SPOCK3: variants seen among roughly 807,000 people sequenced by gnomAD.
SPOCK3 encodes the protein SPARC (osteonectin), cwcv and kazal like domains proteoglycan 3.
Under a neutral mutation model 56.6 loss-of-function variants are expected in SPOCK3, and 30 were observed. The observed-to-expected ratio is 0.53, with a 90% CI of 0.40 to 0.72. SPOCK3 has a LOEUF of 0.72. Among genes scored for constraint, SPOCK3 ranks in the 30% least tolerant of loss-of-function variants. SPOCK3 has a pLI of 0.00. For synonymous variants in SPOCK3, 196 were observed against 183.3 expected (o/e 1.07, Z -0.56); for missense variants, 527 against 530.0 (o/e 0.99, Z 0.06).
chr4:166,863,692 C>G (rs1242924607), intron 6 of SPOCK3, among the ~76,000 whole-genome samples: 4 of 150,780 alleles, frequency 2.7e-5, no homozygotes, highest in Non-Finnish European at 4.5e-5. Flanking sequence ...AAGACAAAGG[C>G]AGAACATAAT....
At chr4:167,153,899 TTTC>T (rs1764604761) in intron 2 of SPOCK3, among the ~76,000 whole-genome samples, 1 of 44,930 alleles carries the variant, frequency 2.2e-5, no homozygotes, top group South Asian at 1.3e-3. Flanking sequence ...CATAGGTAGA[TTTC>T]AGGGAAAAAC....
intron 2 of SPOCK3, among the ~76,000 whole-genome samples, chr4:167,148,953 A>C (rs1764192494): frequency 6.6e-6 from 1 of 152,114 alleles, no homozygotes; most frequent in Non-Finnish European, 1.5e-5. Flanking sequence ...TAATAGACTG[A>C]ATATTTTGTT....
chr4:166,769,993 C>T (rs955272634), intron 7 of SPOCK3, among the ~76,000 whole-genome samples: 5 of 152,096 alleles, frequency 3.3e-5, no homozygotes, highest in Admixed American at 6.5e-5. Flanking sequence ...GAGCCATGCA[C>T]GGGATATAAT....
intron 7 of SPOCK3, among the ~76,000 whole-genome samples, chr4:166,776,349 G>A (rs559387226): frequency 1.3e-5 from 2 of 152,246 alleles, no homozygotes; most frequent in Admixed American, 1.3e-4. Flanking sequence ...GGAAGTGGAT[G>A]TTGCAGTGAG....
At chr4:167,100,856 G>T (rs1759578944) in intron 2 of SPOCK3, among the ~76,000 whole-genome samples, 4 of 152,058 alleles carry the variant, frequency 2.6e-5, no homozygotes. Context: ...GTGAAATAGA[G>T]AGTGTTATAC....
At chr4:167,132,385 T>C (rs1762772859) in intron 2 of SPOCK3, among the ~76,000 whole-genome samples, 1 of 152,240 alleles carries the variant, frequency 6.6e-6, no homozygotes, top group South Asian at 2.1e-4. Context: ...TGACAAATCA[T>C]GTCTCTAGAG....
chr4:166,961,809 G>C (rs1038866329), intron 4 of SPOCK3, among the ~76,000 whole-genome samples: 2 of 152,094 alleles, frequency 1.3e-5, no homozygotes, highest in Non-Finnish European at 2.9e-5. Context: ...CCTGGAGGAA[G>C]ACCAGTTGTT....
At chr4:167,006,074 A>G (rs1749442151) in intron 3 of SPOCK3, among the ~76,000 whole-genome samples, 1 of 152,206 alleles carries the variant, frequency 6.6e-6, no homozygotes, top group Non-Finnish European at 1.5e-5. Flanking sequence ...AATTATTGCA[A>G]TTTATTCAGT....
chr4:167,215,482 T>C (rs1364142626), intron 2 of SPOCK3, among the ~76,000 whole-genome samples: 5 of 151,912 alleles, frequency 3.3e-5, no homozygotes, highest in Admixed American at 2.6e-4. Context: ...AAATAAGTCA[T>C]GAAAAATGAG....
intron 6 of SPOCK3, among the ~76,000 whole-genome samples, chr4:166,810,530 A>C (rs1202004748): frequency 1.3e-5 from 2 of 152,000 alleles, no homozygotes; most frequent in African/African-American, 4.8e-5. Context: ...TTTCATCATC[A>C]ATGGGTATTG....
At chr4:166,826,679 G>A (rs1365736843) in intron 6 of SPOCK3, among the ~76,000 whole-genome samples, 1 of 151,944 alleles carries the variant, frequency 6.6e-6, no homozygotes, top group Non-Finnish European at 1.5e-5. Flanking sequence ...TTCTAACCTT[G>A]GATTATGTGG....
chr4:167,206,894 G>A (rs1348330712), intron 2 of SPOCK3, among the ~76,000 whole-genome samples: 1 of 151,906 alleles, frequency 6.6e-6, no homozygotes, highest in African/African-American at 2.4e-5. Flanking sequence ...CAACTAGATA[G>A]GAGAATAGGT....
intron 3 of SPOCK3, among the ~76,000 whole-genome samples, chr4:167,002,896 A>G (rs963466536): frequency 6.6e-6 from 1 of 152,182 alleles, no homozygotes; most frequent in African/African-American, 2.4e-5. Flanking sequence ...AATTCTGCCT[A>G]ACAATTAAAT....
intron 4 of SPOCK3, among the ~76,000 whole-genome samples, chr4:166,967,814 A>C (rs1258100886): frequency 6.6e-6 from 1 of 152,210 alleles, no homozygotes; most frequent in Non-Finnish European, 1.5e-5. Context: ...AGGTTGGCAC[A>C]ATCTGAGGGG....
rs564178292 is a variant in SPOCK3 at position 167,082,756 on chromosome 4, AAGGGAGGGAGGG to A, written c.190-20231_190-20220del. Among the ~76,000 whole-genome samples, 4 of 112,294 alleles carry A rather than the reference AAGGGAGGGAGGG, an allele frequency of 3.6e-5. No individual in the cohort carries two copies. In the South Asian group the frequency reaches 9.7e-4, roughly 27 times the overall value. The allele number at this position is 112,294 out of a possible 152,430, so 73.7% of individuals were successfully genotyped here. A position where few individuals can be genotyped will look rare whatever the true frequency, so the allele number is the denominator to read the frequency against. On this transcript the variant is annotated intron_variant, in intron 2 of 10. Transcript: ENST00000357545. ...TTTTTCTTCCAGGAAGGAAGGAAGG[AAGGGAGGGAGGG>A]AGGGAGGGAGGGAAGGGAAGGAAGG...
At chr4:166,989,579 A>G (rs1198647838) in intron 4 of SPOCK3, among the ~76,000 whole-genome samples, 10 of 152,150 alleles carry the variant, frequency 6.6e-5, no homozygotes, top group Admixed American at 6.6e-4. Flanking sequence ...TTGTTAGGGC[A>G]TATCCACAGC....
chr4:167,063,391 C>G (rs34167511), intron 2 of SPOCK3, among the ~76,000 whole-genome samples: 3,539 of 151,842 alleles, frequency 0.023, 78 homozygotes, highest in Middle Eastern at 0.061. Flanking sequence ...ACTGTTGTCA[C>G]TATGGTAACC....
chr4:167,012,005 C>T (rs904554955), intron 3 of SPOCK3, among the ~76,000 whole-genome samples: 173 of 151,832 alleles, frequency 1.1e-3, no homozygotes, highest in African/African-American at 4.1e-3. Context: ...TTTAAAAATA[C>T]AGTTTATTTC....
chr4:167,134,215 T>C (rs1375716954), intron 2 of SPOCK3, among the ~76,000 whole-genome samples: 1 of 151,502 alleles, frequency 6.6e-6, no homozygotes, highest in African/African-American at 2.4e-5. Flanking sequence ...GTATTTTTTG[T>C]AGAGATAGGG....
Sources: allele counts gnomAD v4.1 joint callset (sites outside exome capture counted in the v4.1 genomes callset), GRCh38; gene constraint gnomAD v4.1.1; transcripts MANE v1.5; gene names NCBI Gene and HGNC (gene_info 2026-07-23, HGNC 2026-07-21).